AKAIN1: variants seen among roughly 807,000 people sequenced by gnomAD.
AKAIN1 encodes A-kinase anchor protein inhibitor 1.
A neutral mutation model predicts 3.7 loss-of-function variants in AKAIN1; 3 were observed. The ratio of observed to expected loss-of-function variants is 0.82; its 90% CI spans 0.37 to 2.12. AKAIN1 has a LOEUF of 2.12. Among genes scored for constraint, AKAIN1 ranks in the 30% most tolerant of loss-of-function variants. The probability of loss-of-function intolerance (pLI) is 0.06; values close to 1 mark genes in which losing one functional copy is unlikely to be tolerated. For synonymous variants in AKAIN1, 31 were observed against 30.8 expected (o/e 1.01, Z -0.02); for missense variants, 82 against 82.7 (o/e 0.99, Z 0.03).
intron 1 of AKAIN1, among the ~76,000 whole-genome samples, chr18:5,147,847 T>C (rs890104792): frequency 6.6e-6 from 1 of 152,186 alleles, no homozygotes; most frequent in Non-Finnish European, 1.5e-5. Flanking sequence ...TGCAATAGAC[T>C]GAAGCTGTGA....
chr18:5,192,451 C>CTTTCT (rs2071327048), intron 1 of AKAIN1, among the ~76,000 whole-genome samples: 1 of 27,084 alleles, frequency 3.7e-5, no homozygotes, highest in Non-Finnish European at 9.9e-5. Flanking sequence ...CTTTCTTTTT[C>CTTTCT]TTTTCTTTGG....
intron 1 of AKAIN1, among the ~76,000 whole-genome samples, chr18:5,151,431 G>T (rs2071079544): frequency 6.6e-6 from 1 of 152,168 alleles, no homozygotes; most frequent in African/African-American, 2.4e-5. Context: ...GCAAGCTAAA[G>T]TTACATGAGT....
At chr18:5,163,623 TC>T (rs1311956349) in intron 1 of AKAIN1, 1 of 151,974 alleles carries the variant, frequency 6.6e-6, no homozygotes, top group African/African-American at 2.4e-5. Flanking sequence ...TGGAAACATT[TC>T]CCCCCATATA....
At chr18:5,187,125 G>A (rs879445220) in intron 1 of AKAIN1, among the ~76,000 whole-genome samples, 1 of 151,710 alleles carries the variant, frequency 6.6e-6, no homozygotes, top group Admixed American at 6.6e-5. Context: ...TTTGTCTTAA[G>A]TCAAGAAAAA....
At chr18:5,174,525 G>A (rs375919375) in intron 1 of AKAIN1, among the ~76,000 whole-genome samples, 34 of 152,262 alleles carry the variant, frequency 2.2e-4, no homozygotes, top group African/African-American at 7.2e-4. Flanking sequence ...CAGATCACTT[G>A]AGGCCAGGAG....
chr18:5,156,575 C>T (rs2071109777), intron 1 of AKAIN1, among the ~76,000 whole-genome samples: 1 of 152,164 alleles, frequency 6.6e-6, no homozygotes, highest in African/African-American at 2.4e-5. Flanking sequence ...AAAATATTTC[C>T]CATATCCCTT....
intron 1 of AKAIN1, among the ~76,000 whole-genome samples, chr18:5,177,053 G>A (rs1416388091): frequency 6.6e-6 from 1 of 152,064 alleles, no homozygotes; most frequent in African/African-American, 2.4e-5. Flanking sequence ...CACAACCTCA[G>A]CTAGCCCAGT....
At chr18:5,196,649 G>A (rs1479292631) in intron 1 of AKAIN1, among the ~76,000 whole-genome samples, 1 of 152,124 alleles carries the variant, frequency 6.6e-6, no homozygotes, top group Non-Finnish European at 1.5e-5. Context: ...AAGTAGCAGT[G>A]AGGGAGATTC....
chr18:5,158,902 G>A (rs2071123373), intron 1 of AKAIN1, among the ~76,000 whole-genome samples: 1 of 152,160 alleles, frequency 6.6e-6, no homozygotes, highest in Non-Finnish European at 1.5e-5. Context: ...AAATACAGGT[G>A]AAAACATCTG....
intron 1 of AKAIN1, among the ~76,000 whole-genome samples, chr18:5,187,900 T>C (rs543788953): frequency 6.6e-6 from 1 of 152,264 alleles, no homozygotes; most frequent in South Asian, 2.1e-4. Flanking sequence ...TGATTTACCT[T>C]GAGGCAAATT....
chr18:5,195,281 AAAAGT>A (rs2071341398), intron 1 of AKAIN1, among the ~76,000 whole-genome samples: 1 of 152,218 alleles, frequency 6.6e-6, no homozygotes. Context: ...AGTAAAATGG[AAAAGT>A]AAAGTCCTGT....
chr18:5,167,181 T>A (rs1221876394), intron 1 of AKAIN1, among the ~76,000 whole-genome samples: 1 of 152,066 alleles, frequency 6.6e-6, no homozygotes, highest in African/African-American at 2.4e-5. Context: ...ATATGGCAGT[T>A]CAAGTGAGCA....
At chr18:5,158,586 A>G (rs568819162) in intron 1 of AKAIN1, among the ~76,000 whole-genome samples, 2 of 152,162 alleles carry the variant, frequency 1.3e-5, no homozygotes, top group Non-Finnish European at 2.9e-5. Context: ...ATTTGGTTTC[A>G]AACACTACAG....
intron 1 of AKAIN1, among the ~76,000 whole-genome samples, chr18:5,196,672 C>T (rs1398052899): frequency 2.0e-5 from 3 of 152,226 alleles, no homozygotes; most frequent in African/African-American, 7.2e-5. Flanking sequence ...ACGCAAGTAG[C>T]CCGAAGCCCA....
At chr18:5,192,431 T>TTCTA (rs1165624682) in intron 1 of AKAIN1, among the ~76,000 whole-genome samples, 7 of 118,208 alleles carry the variant, frequency 5.9e-5, no homozygotes, top group Non-Finnish European at 1.3e-4. Context: ...CTTTCTTTCT[T>TTCTA]TCTTTCTTTC....
At chr18:5,165,159 A>C (rs2071160832) in intron 1 of AKAIN1, among the ~76,000 whole-genome samples, 1 of 152,016 alleles carries the variant, frequency 6.6e-6, no homozygotes, top group African/African-American at 2.4e-5. Context: ...AGGGCCCATT[A>C]AAAGAGATAG....
At chr18:5,162,712 T>G (rs924921114) in intron 1 of AKAIN1, among the ~76,000 whole-genome samples, 1 of 151,570 alleles carries the variant, frequency 6.6e-6, no homozygotes, top group Admixed American at 6.6e-5. Flanking sequence ...CAAATTCTCA[T>G]TTTGCATATT....
At chr18:5,151,572 A>G (rs762769781) in intron 1 of AKAIN1, among the ~76,000 whole-genome samples, 52 of 152,248 alleles carry the variant, frequency 3.4e-4, no homozygotes, top group Non-Finnish European at 6.3e-4. Flanking sequence ...AAAGCAAGAC[A>G]GCTATCAGCA....
intron 1 of AKAIN1, among the ~76,000 whole-genome samples, chr18:5,186,138 G>A (rs2071286033): frequency 6.6e-6 from 1 of 152,042 alleles, no homozygotes; most frequent in African/African-American, 2.4e-5. Context: ...ACCAAATACT[G>A]CATGTTCTCA....
Sources: gnomAD v4.1 joint callset for allele counts (sites outside exome capture counted in the v4.1 genomes callset) on GRCh38, gnomAD v4.1.1 for gene constraint, MANE v1.5 for transcripts, NCBI Gene and HGNC (gene_info 2026-07-23, HGNC 2026-07-21) for gene names.